Variants in IGF1R observed in about 807,000 individuals in gnomAD.
IGF1R encodes the protein insulin-like growth factor 1 receptor.
A neutral mutation model predicts 144.6 loss-of-function variants in IGF1R; 44 were observed. That is an observed-to-expected ratio of 0.30 (90% CI 0.24 to 0.39). The LOEUF is 0.39. Among genes scored for constraint, IGF1R ranks in the 10% least tolerant of loss-of-function variants. The pLI, the probability that IGF1R is intolerant of heterozygous loss-of-function variation, is 1.00. For missense variants in IGF1R, 1,355 were observed against 1,833.7 expected, an observed-to-expected ratio of 0.74 and a Z score of 4.77; for synonymous variants, 795 against 722.8, an observed-to-expected ratio of 1.10 and a Z score of -1.60.
intron 2 of IGF1R, among the ~76,000 whole-genome samples, chr15:98,743,962 A>G (rs554409619): frequency 6.6e-6 from 1 of 152,272 alleles, no homozygotes; most frequent in Non-Finnish European, 1.5e-5. Context: ...GGCAATGCCC[A>G]TTACTGAGCT....
At chr15:98,697,041 G>A (rs982376934) in intron 1 of IGF1R, among the ~76,000 whole-genome samples, 5 of 152,226 alleles carry the variant, frequency 3.3e-5, no homozygotes, top group Non-Finnish European at 5.9e-5. Context: ...GGAGGTGTTA[G>A]AGCAGAAGAG....
intron 17 of IGF1R, among the ~76,000 whole-genome samples, chr15:98,938,797 C>T (rs2016254286): frequency 6.6e-6 from 1 of 152,226 alleles, no homozygotes. Context: ...TTGTAACGTG[C>T]TCTCCTTCCT....
intron 2 of IGF1R, among the ~76,000 whole-genome samples, chr15:98,834,906 G>A (rs2057065898): frequency 6.6e-6 from 1 of 152,160 alleles, no homozygotes; most frequent in Non-Finnish European, 1.5e-5. Context: ...AACAGTTTTG[G>A]TTAGGGATTT....
At chr15:98,650,285 C>T (rs1042048151) in intron 1 of IGF1R, among the ~76,000 whole-genome samples, 18 of 152,210 alleles carry the variant, frequency 1.2e-4, no homozygotes, top group African/African-American at 3.6e-4. Context: ...GTGCTTTTGC[C>T]CCTCGGGCTC....
chr15:98,855,172 G>A (rs925889079), intron 2 of IGF1R, among the ~76,000 whole-genome samples: 1 of 152,176 alleles, frequency 6.6e-6, no homozygotes, highest in African/African-American at 2.4e-5. Flanking sequence ...TGTGGTTGGG[G>A]TGGGGAGCTT....
intron 6 of IGF1R, among the ~76,000 whole-genome samples, chr15:98,909,242 C>CT (rs987205967): frequency 6.7e-5 from 4 of 60,006 alleles, no homozygotes; most frequent in African/African-American, 2.7e-4. Flanking sequence ...TTTTTCTTTT[C>CT]TTTTTTTTCT....
chr15:98,919,990 G>A, intron 10 of IGF1R, among the ~76,000 whole-genome samples: 1 of 152,232 alleles, frequency 6.6e-6, no homozygotes, highest in East Asian at 1.9e-4. Context: ...AAGTACAGTG[G>A]AAGCTAGAGT....
chr15:98,676,707 G>T (rs2053056056), intron 1 of IGF1R, among the ~76,000 whole-genome samples: 1 of 152,110 alleles, frequency 6.6e-6, no homozygotes, highest in Non-Finnish European at 1.5e-5. Flanking sequence ...AAATCAGTTT[G>T]GGAGAAAACA....
Position 98,777,759 on chromosome 15 carries a change from G to A in IGF1R, c.640+69652G>A, listed in dbSNP as rs143488784. 5.9e-3 allele frequency among the ~76,000 whole-genome samples: 901 copies of A among 152,336 alleles called. 5 individuals are homozygous for A. Among genetic ancestry groups the A allele is most frequent in the Non-Finnish European group, 9.2e-3 (624 of 68,040 alleles). On this transcript the variant is annotated intron_variant, in intron 2 of 20. Coordinates refer to ENST00000650285, the MANE Select transcript of IGF1R (RefSeq NM_000875.5). ...CTGCAGAAAAGAGAACCACACAGAT[G>A]TAAGATGAGGTCTGCACTCACTTGC...
At chr15:98,734,816 T>G (rs1277476223) in intron 2 of IGF1R, 8 of 152,148 alleles carry the variant, frequency 5.3e-5, no homozygotes. Flanking sequence ...TAAGTGTGAT[T>G]TTTGCTTTTT....
intron 15 of IGF1R, among the ~76,000 whole-genome samples, chr15:98,930,693 G>C (rs1419123042): frequency 6.6e-6 from 1 of 152,098 alleles, no homozygotes; most frequent in Non-Finnish European, 1.5e-5. Flanking sequence ...GTTTCAGCTT[G>C]AGTATCATCT....
At position 98,649,432 on chromosome 15, in the gene IGF1R, G is replaced by A. The variant is rs1034397988; in HGVS notation, c.-150G>A. 9.6e-5 allele frequency: 49 copies of A among 512,896 alleles called. No homozygotes were observed. Among genetic ancestry groups the A allele is most frequent in the Non-Finnish European group, 1.4e-4 (43 of 308,084 alleles). The allele number at this position is 512,896 out of a possible 1,614,324, so 31.8% of individuals were successfully genotyped here. ...GGAGGGCCCCGGCGGCGCCGCCTTCGGAGTATTGTTTCCTTCGCCCTTGTT... is the reference window on the plus strand; with the variant it reads ...GGAGGGCCCCGGCGGCGCCGCCTTCAGAGTATTGTTTCCTTCGCCCTTGTT... On this transcript the variant is annotated 5_prime_UTR_variant, in exon 1 of 21. Transcript: ENST00000650285.
intron 2 of IGF1R, among the ~76,000 whole-genome samples, chr15:98,759,201 G>C (rs28605865): frequency 0.19 from 28,481 of 152,128 alleles, 2,919 homozygotes; most frequent in South Asian, 0.33. Context: ...GGAAAACTTG[G>C]GACAAAATGC....
At chr15:98,801,749 T>C (rs1173403229) in intron 2 of IGF1R, among the ~76,000 whole-genome samples, 1 of 152,208 alleles carries the variant, frequency 6.6e-6, no homozygotes, top group East Asian at 1.9e-4. Context: ...AAGAACTCCC[T>C]CTTCCAAGGT....
intron 12 of IGF1R, 129 bp downstream of exon 12, chr15:98,924,141 A>AT: frequency 2.1e-6 from 2 of 958,574 alleles, no homozygotes; most frequent in Non-Finnish European, 1.7e-6. Flanking sequence ...CAAGTTGGTG[A>AT]GGATTTGGGT....
chr15:98,779,384 A>G (rs1354769247), intron 2 of IGF1R, among the ~76,000 whole-genome samples: 1 of 152,206 alleles, frequency 6.6e-6, no homozygotes, highest in African/African-American at 2.4e-5. Context: ...TTTTTTCAAG[A>G]AATATTTAAG....
chr15:98,659,347 C>T (rs1176949894), intron 1 of IGF1R, among the ~76,000 whole-genome samples: 2 of 152,034 alleles, frequency 1.3e-5, no homozygotes, highest in South Asian at 2.1e-4. Flanking sequence ...AATTTCTGCT[C>T]ACACCTGAGA....
chr15:98,821,942 C>G (rs924885476), intron 2 of IGF1R, among the ~76,000 whole-genome samples: 2 of 152,156 alleles, frequency 1.3e-5, no homozygotes, highest in Non-Finnish European at 2.9e-5. Flanking sequence ...TTCCCTTTCC[C>G]TTCCACAGGT....
At chr15:98,956,660 G>A (rs567504179) in intron 20 of IGF1R, among the ~76,000 whole-genome samples, 2 of 152,352 alleles carry the variant, frequency 1.3e-5, no homozygotes, top group East Asian at 3.9e-4. Context: ...GGGGTTTCCT[G>A]CTAATTCTGG....
Sources: allele counts gnomAD v4.1 joint callset (sites outside exome capture counted in the v4.1 genomes callset), GRCh38; gene constraint gnomAD v4.1.1; transcripts MANE v1.5; gene names NCBI Gene and HGNC (gene_info 2026-07-23, HGNC 2026-07-21).